Variants in LTF observed in about 807,000 individuals in gnomAD.
The protein encoded by LTF is lactotransferrin.
LTF carries 91 observed loss-of-function variants against 87.2 expected under a neutral mutation model. The observed-to-expected ratio is 1.04, with a 90% confidence interval of 0.88 to 1.24. The LOEUF is 1.24. LTF is among the 50% of genes most tolerant of loss of function. The probability of loss-of-function intolerance (pLI) is 0.00; values close to 1 mark genes in which losing one functional copy is unlikely to be tolerated. For missense variants in LTF, 901 were observed against 904.3 expected, an observed-to-expected ratio of 1.00 and a Z score of 0.05; for synonymous variants, 378 against 356.1, an observed-to-expected ratio of 1.06 and a Z score of -0.69.
chr3:46,437,389 T>C (rs1702409600), intron 16 of LTF, among the ~76,000 whole-genome samples: 1 of 150,106 alleles, frequency 6.7e-6, no homozygotes, highest in Admixed American at 6.7e-5. Context: ...GGTACAATCA[T>C]AGCTCACTGC....
rs771703065 is a variant in LTF at position 46,448,951 on chromosome 3, C to T, written c.1124G>A (p.Arg375His). ...CAAGCCACTCCACTGGTTACACTTG[C>T]GCAGCTCCTGCTCGCCCACCGCACA... Reference protein sequence around the residue: ...VWCAVGEQELRKCNQWSGLSE... With the variant: ...VWCAVGEQELHKCNQWSGLSE... The change falls in exon 9 of 17, where the codon CGC becomes CAC. Residue 375 changes from arginine to histidine, a missense_variant. Coordinates refer to ENST00000231751, the MANE Select transcript of LTF (RefSeq NM_002343.6). 15 of 1,613,462 alleles carry T rather than the reference C, an allele frequency of 9.3e-6. No homozygotes were observed. The highest frequency in any genetic ancestry group is 6.7e-5 in the East Asian group (3 of 44,822).
chr3:46,449,499 G>A (rs1702743908), intron 8 of LTF, among the ~76,000 whole-genome samples: 3 of 152,170 alleles, frequency 2.0e-5, no homozygotes, highest in Admixed American at 2.0e-4. Flanking sequence ...CCCCACCATG[G>A]TGTCCCCAAC....
intron 1 of LTF, among the ~76,000 whole-genome samples, chr3:46,482,593 G>A (rs1575330724): frequency 3.5e-5 from 4 of 113,382 alleles, no homozygotes; most frequent in African/African-American, 9.6e-5. Flanking sequence ...GGGAGAAAGA[G>A]AGAGAAAGAA....
chr3:46,439,605 G>C, intron 14 of LTF, 125 bp from the exon 15 acceptor site: 1 of 735,862 alleles, frequency 1.4e-6, no homozygotes, highest in Non-Finnish European at 2.2e-6. Context: ...GTGATGTGAG[G>C]AACAGAGAAG....
At chr3:46,449,532 G>T (rs1302083599) in intron 8 of LTF, among the ~76,000 whole-genome samples, 1 of 152,208 alleles carries the variant, frequency 6.6e-6, no homozygotes, top group African/African-American at 2.4e-5. Flanking sequence ...CTGGGCCTGG[G>T]AAGTGTGGGT....
In LTF at chr3:46,449,981, G is replaced by A; in HGVS notation, c.930C>T (p.Ser310=). Reference sequence around the variant, plus strand: ...ACAGCAGATCTTTCTGCCCACTAGGGGAGCCAAAGAGCTGGAATTTCGGTG... The same window carrying A: ...ACAGCAGATCTTTCTGCCCACTAGGAGAGCCAAAGAGCTGGAATTTCGGTG... The part of the protein sequence containing the change: ...DKSPKFQLFG[S]PSGQKDLLFK... Residue 310 remains serine, a synonymous_variant, in exon 8 of 17, where the codon TCC becomes TCT. Coordinates refer to ENST00000231751, the MANE Select transcript of LTF (RefSeq NM_002343.6). 6.2e-7 allele frequency: 1 copy of A among 1,611,424 alleles called. No individual in the cohort carries two copies. The highest frequency in any genetic ancestry group is 1.1e-5 in the South Asian group (1 of 90,508).
chr3:46,464,162 C>T (rs1206307759), intron 1 of LTF, among the ~76,000 whole-genome samples: 1 of 152,202 alleles, frequency 6.6e-6, no homozygotes, highest in African/African-American at 2.4e-5. Context: ...GGAGTGCCCT[C>T]TGAGCACCCG....
chr3:46,464,758 GCGCCTAGCAGACAGGGCGCAGGAGA>G, intron 1 of LTF, 42 bp downstream of exon 1: 17 of 1,573,172 alleles, frequency 1.1e-5, no homozygotes, highest in Non-Finnish European at 1.5e-5. Context: ...AGGGACCAAA[GCGCCTAGCAGACAGGGCGCAGGAGA>G]CGCCCATCAG....
At chr3:46,454,489 G>A (rs1702877400) in intron 5 of LTF, 129 bp from the exon 6 acceptor site, 3 of 841,738 alleles carry the variant, frequency 3.6e-6, no homozygotes, top group Non-Finnish European at 6.0e-6. Context: ...TGAAGCTTTG[G>A]GGCATCCCAG....
At chr3:46,439,218 T>A (rs1244434282) in intron 15 of LTF, 78 bp downstream of exon 15, 1 of 1,381,656 alleles carries the variant, frequency 7.2e-7, no homozygotes, top group African/African-American at 1.4e-5. Context: ...AGTGGGCTGG[T>A]GCACCTAGCT....
intron 1 of LTF, among the ~76,000 whole-genome samples, chr3:46,461,346 C>T (rs1379043514): frequency 6.6e-6 from 1 of 152,222 alleles, no homozygotes; most frequent in Non-Finnish European, 1.5e-5. Flanking sequence ...TACATAAATG[C>T]TTGTGCATGA....
Position 46,456,270 on chromosome 3 carries a change from G to A in LTF, c.316+20C>T, listed in dbSNP as rs771578035. The A allele has an allele frequency of 6.2e-7, 1 of 1,608,464 alleles. No homozygotes were observed. The highest frequency in any genetic ancestry group is 1.1e-5 in the South Asian group (1 of 90,944). Reference sequence around the variant, plus strand: ...CAGGCTGAGGCCACCGTGGCCTCTGGGTCCCCAGGCAGAACTCACGTCTTT... The same window carrying A: ...CAGGCTGAGGCCACCGTGGCCTCTGAGTCCCCAGGCAGAACTCACGTCTTT... On this transcript the variant is annotated intron_variant, in intron 3 of 16. Coordinates refer to ENST00000231751, the MANE Select transcript of LTF (RefSeq NM_002343.6).
At chr3:46,484,553 G>A (rs939983456) in intron 1 of LTF, among the ~76,000 whole-genome samples, 10 of 152,186 alleles carry the variant, frequency 6.6e-5, no homozygotes, top group African/African-American at 2.4e-4. Flanking sequence ...CTGCTGGGAA[G>A]GCAGTGCCAA....
intron 1 of LTF, among the ~76,000 whole-genome samples, chr3:46,482,782 A>G (rs1559615077): frequency 7.6e-6 from 1 of 131,702 alleles, no homozygotes; most frequent in Non-Finnish European, 1.7e-5. Flanking sequence ...AGAAAGAAAA[A>G]GAAAGAAAGA....
intron 13 of LTF, 81 bp from the exon 14 acceptor site, chr3:46,441,564 CA>C: frequency 5.0e-6 from 5 of 994,138 alleles, no homozygotes; most frequent in Non-Finnish European, 6.3e-6. Context: ...ATATGCATTC[CA>C]AAAACTGAAA....
intron 1 of LTF, among the ~76,000 whole-genome samples, chr3:46,481,372 A>C (rs1703429807): frequency 6.6e-6 from 1 of 152,214 alleles, no homozygotes. Flanking sequence ...ACCCACCAAC[A>C]GGGCTAGGTG....
intron 2 of LTF, among the ~76,000 whole-genome samples, chr3:46,456,705 C>A (rs1281678283): frequency 6.6e-6 from 1 of 152,180 alleles, no homozygotes; most frequent in Non-Finnish European, 1.5e-5. Context: ...TAGATACTTT[C>A]TATTTTTGCT....
chr3:46,472,923 C>T (rs995024652), intron 1 of LTF, among the ~76,000 whole-genome samples: 1 of 152,158 alleles, frequency 6.6e-6, no homozygotes, highest in Non-Finnish European at 1.5e-5. Flanking sequence ...CTTCATCTGG[C>T]AAGGCGGGGG....
intron 1 of LTF, among the ~76,000 whole-genome samples, chr3:46,462,859 GAGAGAGT>G (rs879497540): frequency 0.12 from 18,489 of 152,064 alleles, 1,342 homozygotes; most frequent in Admixed American, 0.21. Flanking sequence ...GGGGTGAAGG[GAGAGAGT>G]AAAATGGAAG....
Sources: allele counts gnomAD v4.1 joint callset (sites outside exome capture counted in the v4.1 genomes callset), GRCh38; gene constraint gnomAD v4.1.1; transcripts MANE v1.5; gene names NCBI Gene and HGNC (gene_info 2026-07-23, HGNC 2026-07-21).